The following ANHX variants were observed in gnomAD, a reference collection of about 807,000 sequenced individuals.
The protein encoded by ANHX is anomalous homeobox, also known as anomalous homeobox protein.
ANHX carries 20 observed loss-of-function variants against 38.9 expected under a neutral mutation model. The observed-to-expected ratio is 0.51, with a 90% confidence interval of 0.36 to 0.75. The LOEUF (loss-of-function observed/expected upper bound fraction) is 0.75. Among genes scored for constraint, ANHX ranks in the 30% least tolerant of loss-of-function variants. The pLI is 0.00. For missense variants in ANHX, 475 were observed against 493.1 expected (o/e 0.96, Z 0.35); for synonymous variants, 185 against 203.1 (o/e 0.91, Z 0.76).
At chr12:133,223,504 A>G (rs1483944571) in intron 7 of ANHX, among the ~76,000 whole-genome samples, 9 of 143,398 alleles carry the variant, frequency 6.3e-5, no homozygotes, top group African/African-American at 1.8e-4. Flanking sequence ...GGAGTGCAGT[A>G]GCGCAATCTC....
intron 2 of ANHX, among the ~76,000 whole-genome samples, chr12:133,233,087 A>G (rs1336563928): frequency 2.0e-5 from 3 of 152,226 alleles, no homozygotes; most frequent in South Asian, 4.1e-4. Context: ...AGCCTCTAAC[A>G]GAGGAAAGAC....
intron 5 of ANHX, 38 bp from the exon 6 acceptor site, chr12:133,226,476 C>G: frequency 6.6e-7 from 1 of 1,509,474 alleles, no homozygotes; most frequent in Non-Finnish European, 8.8e-7. Flanking sequence ...CTTAGTGAGG[C>G]TCTGGTTCCC....
intron 1 of ANHX, 94 bp downstream of exon 1, chr12:133,235,713 G>A (rs1263705876): frequency 7.2e-5 from 5 of 69,378 alleles, no homozygotes; most frequent in East Asian, 1.0e-3. Flanking sequence ...CTCACCCTCT[G>A]GGACCCCCGC....
chr12:133,231,782 T>C, intron 2 of ANHX, 138 bp from the exon 3 acceptor site: 2 of 1,133,000 alleles, frequency 1.8e-6, no homozygotes, highest in South Asian at 1.6e-5. Flanking sequence ...TCAAATTCAC[T>C]GATTTTACAA....
chr12:133,234,179 C>A lies in ANHX; in HGVS notation c.178G>T (p.Asp60Tyr), dbSNP rs1221984273. 1.0e-5 allele frequency: 16 copies of A among 1,536,194 alleles called. No individual in the cohort carries two copies. Among genetic ancestry groups the A allele is most frequent in the Non-Finnish European group, 1.3e-5 (15 of 1,146,926 alleles). ...ACACGGGCGCACGCCAGGGCCACAT[C>A]TGCGTTGTCCAGGAGATGCAGGCGG... ...QLRLHLLDNA[D>Y]VALACARVLD... The change falls in exon 2 of 10, where the codon GAT becomes TAT. Residue 60 changes from aspartate to tyrosine, a missense_variant. Physicochemically the swap from Asp to Tyr is radical, Grantham distance 160. Coordinates refer to ENST00000545940, the MANE Select transcript of ANHX (RefSeq NM_001372060.1).
rs1468765118 is a variant in ANHX at position 133,231,639 on chromosome 12, G to A, written c.255C>T (p.Cys85=). The A allele has an allele frequency of 2.6e-6, 4 of 1,535,816 alleles. No homozygotes were observed. The highest frequency in any genetic ancestry group is 2.6e-6 in the Non-Finnish European group (3 of 1,146,912). ...ACTCCTGGCTGCCTCCCGGCACCTG[G>A]CACCCCTGCCAAGAAGAGTGTACTG... The part of the protein sequence containing the change: ...QQAACRLLEG[C]QVPGGSQELV... The change falls in exon 3 of 10, where the codon TGC becomes TGT. Residue 85 remains cysteine, a synonymous_variant. Transcript: ENST00000545940.
At chr12:133,224,904 T>C (rs1369301381) in intron 7 of ANHX, among the ~76,000 whole-genome samples, 1 of 146,908 alleles carries the variant, frequency 6.8e-6, no homozygotes, top group Non-Finnish European at 1.5e-5. Flanking sequence ...GAGGAGGAGG[T>C]TGCAGTGAGC....
In ANHX at chr12:133,221,126, T is replaced by C; in HGVS notation, c.1280+79A>G. On this transcript the variant is annotated intron_variant, in intron 8 of 9. Coordinates refer to ENST00000545940, the MANE Select transcript of ANHX (RefSeq NM_001372060.1). The surrounding 1 kb of genome is among the most constrained non-coding windows in gnomAD (Gnocchi z 4.1). Reference sequence around the variant, plus strand: ...ACCCTATCTGCACAGTCCGGGACGGTGAGTCTATAAACTGGGCATTACCCT... The same window carrying C: ...ACCCTATCTGCACAGTCCGGGACGGCGAGTCTATAAACTGGGCATTACCCT... The C allele has an allele frequency of 6.7e-7, 1 of 1,489,434 alleles. No individual in the cohort carries two copies. Among genetic ancestry groups the C allele is most frequent in the Non-Finnish European group, 9.0e-7 (1 of 1,116,974 alleles). The allele number at this position is 1,489,434 out of a possible 1,614,324, so 92.3% of individuals were successfully genotyped here. A position where few individuals can be genotyped will look rare whatever the true frequency, so the allele number is the denominator to read the frequency against.
At chr12:133,219,936 T>C (rs1171053585) in intron 8 of ANHX, among the ~76,000 whole-genome samples, 2 of 152,040 alleles carry the variant, frequency 1.3e-5, no homozygotes, top group Non-Finnish European at 2.9e-5. Flanking sequence ...TGTTCACGCA[T>C]CCAAAACATG....
At chr12:133,233,819 T>C (rs1156961659) in intron 2 of ANHX, among the ~76,000 whole-genome samples, 1 of 152,236 alleles carries the variant, frequency 6.6e-6, no homozygotes, top group Non-Finnish European at 1.5e-5. Flanking sequence ...CTGCATTTTA[T>C]TCACTCACTT....
In ANHX at chr12:133,226,352, C is replaced by A; in HGVS notation, c.805G>T (p.Ala269Ser). ...AGTGGCTTTGAGACTGTCTCATCTG[C>A]GGGAAAGTCCGGGGCTAAGGCCAGT... ...EPLALAPDFPADETVSKPLDV... is the reference protein window; with the variant it reads ...EPLALAPDFPSDETVSKPLDV... The change falls in exon 6 of 10, where the codon GCA becomes TCA. Residue 269 changes from alanine to serine, a missense_variant. Physicochemically the swap from Ala to Ser is moderately conservative, Grantham distance 99. Transcript: ENST00000545940. The A allele has an allele frequency of 2.0e-6, 3 of 1,536,198 alleles. No homozygotes were observed. The highest frequency in any genetic ancestry group is 2.6e-6 in the Non-Finnish European group (3 of 1,146,904).
Position 133,234,236 on chromosome 12 carries a change from G to A in ANHX, c.121C>T (p.Pro41Ser). 6.5e-7 allele frequency: 1 copy of A among 1,536,182 alleles called. No individual in the cohort carries two copies. The highest frequency in any genetic ancestry group is 8.7e-7 in the Non-Finnish European group (1 of 1,146,916). The change falls in exon 2 of 10, where the codon CCT becomes TCT. Residue 41 changes from proline to serine, a missense_variant. Pro to Ser is a moderately conservative substitution (Grantham distance 74). Transcript: ENST00000545940. ...DFQDDLAQLQ[P>S]LVTAILDSQL... ...CTGTCCAGAATGGCTGTGACCAAAGGCTGCAGTTGGGCAAGGTCATCCTGG... is the reference window on the plus strand; with the variant it reads ...CTGTCCAGAATGGCTGTGACCAAAGACTGCAGTTGGGCAAGGTCATCCTGG...
intron 6 of ANHX, 52 bp downstream of exon 6, chr12:133,226,266 G>A (rs1957186800): frequency 6.5e-7 from 1 of 1,536,034 alleles, no homozygotes; most frequent in Non-Finnish European, 8.7e-7. Flanking sequence ...ACCTGAGGAG[G>A]AAAGGGAACT....
chr12:133,228,046 C>A, intron 3 of ANHX, 99 bp from the exon 4 acceptor site: 1 of 1,389,658 alleles, frequency 7.2e-7, no homozygotes, highest in Non-Finnish European at 9.7e-7. Context: ...ACTTCCTTCC[C>A]TGTGCCTCCT....
chr12:133,229,363 T>C (rs1957235422), intron 3 of ANHX, among the ~76,000 whole-genome samples: 2 of 152,274 alleles, frequency 1.3e-5, no homozygotes, highest in Middle Eastern at 3.4e-3. Flanking sequence ...TACTTGGACA[T>C]CTAAAATGCA....
Position 133,226,344 on chromosome 12 carries a change from C to G in ANHX, c.813G>C (p.Glu271Asp), listed in dbSNP as rs1471797055. 1.3e-6 allele frequency: 2 copies of G among 1,536,142 alleles called. No individual in the cohort carries two copies. The highest frequency in any genetic ancestry group is 1.7e-6 in the Non-Finnish European group (2 of 1,146,932). Reference protein sequence around the residue: ...LALAPDFPADETVSKPLDVRS... With the variant: ...LALAPDFPADDTVSKPLDVRS... ...TGACATCCAGTGGCTTTGAGACTGT[C>G]TCATCTGCGGGAAAGTCCGGGGCTA... The change falls in exon 6 of 10, where the codon GAG becomes GAC. Residue 271 changes from glutamate (E) to aspartate (D), a missense_variant. Physicochemically the swap from Glu to Asp is conservative, Grantham distance 45. Transcript: ENST00000545940.
chr12:133,224,913 G>A (rs561375107), intron 7 of ANHX, among the ~76,000 whole-genome samples: 1 of 148,520 alleles, frequency 6.7e-6, no homozygotes, highest in South Asian at 2.1e-4. Flanking sequence ...GTTGCAGTGA[G>A]CCGAGATCAC....
intron 4 of ANHX, among the ~76,000 whole-genome samples, chr12:133,227,439 C>T (rs1252734445): frequency 3.3e-5 from 5 of 152,314 alleles, no homozygotes; most frequent in East Asian, 1.9e-4. Flanking sequence ...GACAACATGC[C>T]CAGGGCCACC....
At chr12:133,223,189 CA>C (rs762366877) in intron 7 of ANHX, among the ~76,000 whole-genome samples, 9 of 148,458 alleles carry the variant, frequency 6.1e-5, no homozygotes, top group African/African-American at 1.3e-4. Context: ...AACTCCGCCT[CA>C]AAAAAAAATA....
Sources: allele counts gnomAD v4.1 joint callset (sites outside exome capture counted in the v4.1 genomes callset), GRCh38; gene constraint gnomAD v4.1.1; non-coding constraint Gnocchi (gnomAD v3.1); transcripts MANE v1.5; gene names NCBI Gene and HGNC (gene_info 2026-07-23, HGNC 2026-07-21).